Variants in YDJC observed in about 807,000 individuals in gnomAD.
The protein encoded by YDJC is carbohydrate deacetylase.
YDJC carries 23 observed loss-of-function variants against 18.9 expected under a neutral mutation model. The ratio of observed to expected loss-of-function variants is 1.22; its 90% CI spans 0.87 to 1.72. The LOEUF (loss-of-function observed/expected upper bound fraction) is 1.72, where lower values mean the gene tolerates loss of function less well. YDJC is among the 40% of genes most tolerant of loss of function. The probability of loss-of-function intolerance (pLI) is 0.00; values close to 1 mark genes in which losing one functional copy is unlikely to be tolerated. For synonymous variants in YDJC, 224 were observed against 217.6 expected, an observed-to-expected ratio of 1.03 and a Z score of -0.26; for missense variants, 467 against 470.8, an observed-to-expected ratio of 0.99 and a Z score of 0.07.
rs1405447406 is a variant in YDJC, at chr22:21,629,174, C to T, written c.438G>A (p.Val146=). ...HVHVLPGVCQ[V]FAEALQAYGV... ...CATAGGCCTGCAGCGCCTCGGCGAA[C>T]ACCTGGCACACGCCTGCGGGCGGAG... is the stretch of plus-strand genomic sequence containing the variant. Residue 146 remains valine (V), a synonymous_variant, in exon 4 of 5, where the codon GTG becomes GTA. Coordinates refer to ENST00000292778, the MANE Select transcript of YDJC (RefSeq NM_001017964.2). 2 of 1,542,600 alleles carry T rather than the reference C, an allele frequency of 1.3e-6. No homozygotes were observed. The highest frequency in any genetic ancestry group is 1.2e-5 in the South Asian group (1 of 83,868).
chr22:21,628,795 G>A lies in YDJC; in HGVS notation c.603-8C>T. ...ACGAAGGCGTCTGTCCACCTGTGGG[G>A]GGCGGGACATCAGAGGTGGGACCAG... On this transcript the variant is annotated splice_region_variant and splice_polypyrimidine_tract_variant and intron_variant, in intron 4 of 4. Coordinates refer to ENST00000292778, the MANE Select transcript of YDJC (RefSeq NM_001017964.2). The A allele has an allele frequency of 6.8e-7, 1 of 1,469,402 alleles. No homozygotes were observed. The highest frequency in any genetic ancestry group is 1.4e-5 in the African/African-American group (1 of 71,434). 91.0% of individuals were successfully genotyped at this position (1,469,402 alleles called of 1,614,324 possible).
In YDJC at chr22:21,629,955, T is replaced by C; in HGVS notation, c.60A>G (p.Arg20=). 1 of 1,604,858 alleles carries C rather than the reference T, an allele frequency of 6.2e-7. No homozygotes were observed. Among genetic ancestry groups the C allele is most frequent in the East Asian group, 2.3e-5 (1 of 44,412 alleles). ...VTADDFGYCP[R]RDEGIVEAFL... ...AGGCCTCCACGATACCCTCATCGCGTCGCGGGCAGTAACCAAAGTCGTCCG... is the reference window on the plus strand; with the variant it reads ...AGGCCTCCACGATACCCTCATCGCGCCGCGGGCAGTAACCAAAGTCGTCCG... The change falls in exon 1 of 5, where the codon CGA becomes CGG. Residue 20 remains arginine, a synonymous_variant. Transcript: ENST00000292778.
rs781595799 is a variant in YDJC, at chr22:21,629,645, C to G, written c.281G>C (p.Gly94Ala). ...GPEGFFLGKM[G>A]FREAVAAGDV... The stretch of plus-strand genomic sequence containing the variant: ...TCCGGCCGCCACCGCCTCCCGGAAT[C>G]CCATCTTGCCAAGGAAGAAGCCTTC... The change falls in exon 2 of 5, where the codon GGA becomes GCA. Residue 94 changes from glycine to alanine, a missense_variant. Transcript: ENST00000292778. 35 of 1,612,384 alleles carry G rather than the reference C, an allele frequency of 2.2e-5. No individual in the cohort carries two copies. The highest frequency in any genetic ancestry group is 3.0e-5 in the Non-Finnish European group (35 of 1,179,910).
At position 21,628,506 on chromosome 22, in the gene YDJC, G is replaced by A; in HGVS notation, c.884C>T (p.Ala295Val). ...CCTCTTGGAGTCCAGGTCGTCGAGG[G>A]CGCAAAGCTGCACGCCATCCTGGGC... ...QLAQDGVQLC[A>V]LDDLDSKRPG... Residue 295 changes from alanine to valine, a missense_variant, in exon 5 of 5, where the codon GCC (alanine) becomes GTC (valine). Physicochemically the swap from Ala to Val is moderately conservative, Grantham distance 64 (BLOSUM62 0). Coordinates refer to ENST00000292778, the MANE Select transcript of YDJC (RefSeq NM_001017964.2). 1.2e-6 allele frequency: 2 copies of A among 1,611,992 alleles called. No individual in the cohort carries two copies. The highest frequency in any genetic ancestry group is 1.7e-6 in the Non-Finnish European group (2 of 1,178,792).
At chr22:21,628,873 A>AGGGGGGGGTGGGT in intron 4 of YDJC, 86 bp from the exon 5 acceptor site, 1 of 377,188 alleles carries the variant, frequency 2.7e-6, no homozygotes, top group Non-Finnish European at 4.3e-6. Context: ...GCGGGGTGGG[A>AGGGGGGGGTGGGT]GGGGGTAACT....
At chr22:21,628,941 TAGCCAGGTGAAC>T in intron 4 of YDJC, 57 bp downstream of exon 4, 1 of 1,433,184 alleles carries the variant, frequency 7.0e-7, no homozygotes, top group East Asian at 2.6e-5. Flanking sequence ...CGGACACAGC[TAGCCAGGTGAAC>T]AGCCAGTGCG....
In YDJC at chr22:21,629,197, G is replaced by C. The variant is rs1228886899; in HGVS notation, c.425-10C>G. Reference sequence around the variant, plus strand: ...AACACCTGGCACACGCCTGCGGGCGGAGCGGGTCAGGGAGGAGCACGTCCT... The same window carrying C: ...AACACCTGGCACACGCCTGCGGGCGCAGCGGGTCAGGGAGGAGCACGTCCT... On this transcript the variant is annotated splice_polypyrimidine_tract_variant and intron_variant, in intron 3 of 4. Transcript: ENST00000292778. 4 of 1,545,332 alleles carry C rather than the reference G, an allele frequency of 2.6e-6. No homozygotes were observed. The highest frequency in any genetic ancestry group is 3.5e-6 in the Non-Finnish European group (4 of 1,146,202).
chr22:21,629,351 G>A lies in YDJC; in HGVS notation c.381C>T (p.Ala127=). ...GCTGGTGCCCGTCCGCGTGCGTGGG[G>A]GCCCTGCCCAGCAGCTCCCGGAAGC... The part of the protein sequence containing the change: ...LSCFRELLGR[A]PTHADGHQHV... Residue 127 remains alanine (A), a synonymous_variant, in exon 3 of 5, where the codon GCC becomes GCT. Transcript: ENST00000292778. 14 of 1,550,286 alleles carry A rather than the reference G, an allele frequency of 9.0e-6. No individual in the cohort carries two copies. Among genetic ancestry groups the A allele is most frequent in the Non-Finnish European group, 1.2e-5 (14 of 1,146,914 alleles).
In YDJC at chr22:21,628,461, C is replaced by A; in HGVS notation, c.929G>T (p.Cys310Phe). 6.3e-7 allele frequency: 1 copy of A among 1,590,454 alleles called. No individual in the cohort carries two copies. Among genetic ancestry groups the A allele is most frequent in the Non-Finnish European group, 8.6e-7 (1 of 1,166,170 alleles). Reference protein sequence around the residue: ...DSKRPGEEVPCEPTLEPFLEP... With the variant: ...DSKRPGEEVPFEPTLEPFLEP... ...CAGGAAGGGTTCCAGAGTGGGCTCA[C>A]AGGGGACCTCCTCCCCTGGCCTCTT... The change falls in exon 5 of 5, where the codon TGT becomes TTT. Residue 310 changes from cysteine (C) to phenylalanine (F), a missense_variant. Physicochemically the swap from Cys to Phe is radical, Grantham distance 205 (BLOSUM62 -2). Transcript: ENST00000292778.
chr22:21,629,735 G>T lies in YDJC; in HGVS notation c.191C>A (p.Ala64Asp). 6.4e-7 allele frequency: 1 copy of T among 1,552,426 alleles called. No individual in the cohort carries two copies. Residue 64 changes from alanine to aspartate, a missense_variant, in exon 2 of 5, where the codon GCC becomes GAC. Ala to Asp is a moderately radical substitution (Grantham distance 126). Transcript: ENST00000292778. ...RRHSIPTGLH[A>D]NLSEGRPVGP... is the part of the protein sequence containing the mutation. ...CACGGGGCGGCCCTCGGACAGGTTG[G>T]CGTGGAGGCCCGTGGGGATGCTGTG...
rs1930349626 is a variant in YDJC at position 21,628,776 on chromosome 22, G to A, written c.614C>T (p.Ala205Val). 8 of 1,486,764 alleles carry A rather than the reference G, an allele frequency of 5.4e-6. No homozygotes were observed. The highest frequency in any genetic ancestry group is 7.2e-6 in the Non-Finnish European group (8 of 1,115,662). 92.1% of individuals were successfully genotyped at this position (1,486,764 alleles called of 1,614,324 possible). A position where few individuals can be genotyped will look rare whatever the true frequency, so the allele number is the denominator to read the frequency against. Residue 205 changes from alanine to valine, a missense_variant, in exon 5 of 5, where the codon GCC becomes GTC. Coordinates refer to ENST00000292778, the MANE Select transcript of YDJC (RefSeq NM_001017964.2). Reference protein sequence around the residue: ...FSRHGLRWTDAFVGLSTCGRH... With the variant: ...FSRHGLRWTDVFVGLSTCGRH... Reference sequence around the variant, plus strand: ...GCCGCAAGTGCTCAGGCCCACGAAGGCGTCTGTCCACCTGTGGGGGGCGGG... The same window carrying A: ...GCCGCAAGTGCTCAGGCCCACGAAGACGTCTGTCCACCTGTGGGGGGCGGG...
In YDJC at chr22:21,629,227, C is replaced by T. The variant is rs779415269; in HGVS notation, c.425-40G>A. 4.0e-5 allele frequency: 62 copies of T among 1,548,604 alleles called. No homozygotes were observed. The Middle Eastern group carries it at 5.0e-4, about 12-fold the overall frequency. ...GGTCAGGGAGGAGCACGTCCTTTCA[C>T]CTGGGGGCATCGAACTTCCCCTACT... On this transcript the variant is annotated intron_variant, in intron 3 of 4. Transcript: ENST00000292778.
intron 4 of YDJC, 62 bp from the exon 5 acceptor site, chr22:21,628,849 C>T: frequency 8.4e-7 from 1 of 1,186,256 alleles, no homozygotes. Flanking sequence ...GCTAGGTAGG[C>T]TAGGGAAGGG....
At position 21,628,703 on chromosome 22, in the gene YDJC, C is replaced by A; in HGVS notation, c.687G>T (p.Leu229=). Residue 229 remains leucine, a synonymous_variant, in exon 5 of 5, where the codon CTG becomes CTT. Transcript: ENST00000292778. The part of the protein sequence containing the change: ...HRVSGALARV[L]EGTLAGHTLT... ...GGGTGTGGCCCGCTAGGGTACCTTC[C>A]AGGACCCGCGCCAGGGCCCCGGACA... The A allele has an allele frequency of 6.5e-7, 1 of 1,543,022 alleles. No individual in the cohort carries two copies.
Position 21,629,018 on chromosome 22 carries a change from G to A in YDJC, c.594C>T (p.His198=), listed in dbSNP as rs982764278. 43 of 1,473,710 alleles carry A rather than the reference G, an allele frequency of 2.9e-5. No individual in the cohort carries two copies. Among genetic ancestry groups the A allele is most frequent in the Non-Finnish European group, 3.5e-5 (39 of 1,121,970 alleles). 91.3% of individuals were successfully genotyped at this position (1,473,710 alleles called of 1,614,324 possible). A position where few individuals can be genotyped will look rare whatever the true frequency, so the allele number is the denominator to read the frequency against. ...GGGGCGGGGAGCCTCACCGCAGGCC[G>A]TGGCGGGAGAAGGGGCCCACGGCGG... The part of the protein sequence containing the change: ...ARAAVGPFSR[H]GLRWTDAFVG... Residue 198 remains histidine (H), a synonymous_variant, in exon 4 of 5, where the codon CAC becomes CAT. Transcript: ENST00000292778.
At position 21,628,457 on chromosome 22, in the gene YDJC, C is replaced by A. The variant is rs376508203; in HGVS notation, c.933G>T (p.Glu311Asp). The change falls in exon 5 of 5, where the codon GAG becomes GAT. Residue 311 changes from glutamate to aspartate, a missense_variant. Physicochemically the swap from Glu to Asp is conservative, Grantham distance 45. Coordinates refer to ENST00000292778, the MANE Select transcript of YDJC (RefSeq NM_001017964.2). ...GTTCCAGGAAGGGTTCCAGAGTGGG[C>A]TCACAGGGGACCTCCTCCCCTGGCC... ...SKRPGEEVPC[E>D]PTLEPFLEPS... The A allele has an allele frequency of 3.8e-6, 6 of 1,585,936 alleles. No homozygotes were observed. In the African/African-American group the frequency reaches 6.7e-5, roughly 18 times the overall value.
Position 21,628,725 on chromosome 22 carries a change from GAC to G in YDJC, c.663_664del (p.Ser222ArgfsTer37). Reference sequence around the variant, plus strand: ...TTCCAGGACCCGCGCCAGGGCCCCGGACACGCGGTGAGCGGACATGTGCCGGC... The same window carrying G: ...TTCCAGGACCCGCGCCAGGGCCCCGGACGCGGTGAGCGGACATGTGCCGGC... On this transcript the variant is annotated frameshift_variant, in exon 5 of 5. Transcript: ENST00000292778. LOFTEE classifies it low-confidence loss of function (END_TRUNC). 1 of 1,528,952 alleles carries G rather than the reference GAC, an allele frequency of 6.5e-7. No homozygotes were observed. The highest frequency in any genetic ancestry group is 8.8e-7 in the Non-Finnish European group (1 of 1,138,702). The allele number at this position is 1,528,952 out of a possible 1,614,324, so 94.7% of individuals were successfully genotyped here. A position where few individuals can be genotyped will look rare whatever the true frequency, so the allele number is the denominator to read the frequency against.
chr22:21,629,437 G>A, intron 2 of YDJC, 30 bp from the exon 3 acceptor site: 1 of 1,539,516 alleles, frequency 6.5e-7, no homozygotes, highest in Non-Finnish European at 8.8e-7. Context: ...CACCTTGAGC[G>A]ACCGGGAGTA....
chr22:21,629,833 T>C lies in YDJC; in HGVS notation c.164+18A>G, dbSNP rs1324945584. On this transcript the variant is annotated intron_variant, in intron 1 of 4. Coordinates refer to ENST00000292778, the MANE Select transcript of YDJC (RefSeq NM_001017964.2). ...CGCCCCAAGCCGATCGCCGCCCTGC[T>C]AGAGGCCCTCCCCTCACCTGCGGGC... 1 of 1,524,732 alleles carries C rather than the reference T, an allele frequency of 6.6e-7. No individual in the cohort carries two copies. Among genetic ancestry groups the C allele is most frequent in the Non-Finnish European group, 8.8e-7 (1 of 1,140,102 alleles). The allele number at this position is 1,524,732 out of a possible 1,614,324, so 94.5% of individuals were successfully genotyped here.
Sources: allele counts gnomAD v4.1 joint callset, GRCh38; gene constraint gnomAD v4.1.1; transcripts MANE v1.5; gene names NCBI Gene and HGNC (gene_info 2026-07-23, HGNC 2026-07-21).